FAT4: variants seen among roughly 807,000 people sequenced by gnomAD.
FAT4 encodes the protein FAT atypical cadherin 4.
FAT4 carries 84 observed loss-of-function variants against 303.9 expected under a neutral mutation model. That is an observed-to-expected ratio of 0.28 (90% confidence interval 0.23 to 0.33). The LOEUF is 0.33. FAT4 is among the 10% of genes least tolerant of loss of function. FAT4 has a pLI of 1.00. For missense variants in FAT4, 6,005 were observed against 6,146.8 expected, an observed-to-expected ratio of 0.98 and a Z score of 0.77; for synonymous variants, 2,307 against 2,298.8, an observed-to-expected ratio of 1.00 and a Z score of -0.10.
intron 6 of FAT4, among the ~76,000 whole-genome samples, chr4:125,416,118 A>T (rs1011403647): frequency 6.6e-6 from 1 of 152,206 alleles, no homozygotes; most frequent in Non-Finnish European, 1.5e-5. Context: ...ATAGTAAAAA[A>T]CTAAAATGAT....
In FAT4 at chr4:125,379,790, A is replaced by G. The variant is rs185094368; in HGVS notation, c.5176-18994A>G. Among the ~76,000 whole-genome samples the G allele has an allele frequency of 1.1e-3, 159 of 150,652 alleles. 1 individual carries two copies. The highest frequency in any genetic ancestry group is 3.6e-3 in the African/African-American group (147 of 41,258). On this transcript the variant is annotated intron_variant, in intron 2 of 17. Coordinates refer to ENST00000394329, the MANE Select transcript of FAT4 (RefSeq NM_001291303.3). ...TTGATATTTAACTCTTTCTTAATCA[A>G]ATTTTGAACTTATTTCATACCTTGT...
At position 125,415,013 on chromosome 4, in the gene FAT4, T is replaced by C. The variant is rs188126059; in HGVS notation, c.6050T>C (p.Val2017Ala). Residue 2017 changes from valine (V) to alanine (A), a missense_variant, in exon 6 of 18, where the codon GTT (valine) becomes GCT (alanine). By Grantham distance (64) the Val-to-Ala change is moderately conservative (BLOSUM62 0). Coordinates refer to ENST00000394329, the MANE Select transcript of FAT4 (RefSeq NM_001291303.3). The part of the protein sequence containing the change: ...DRESQSFYNL[V>A]VQVHDLPQIP... ...GAAAGTCAGTCCTTCTACAACTTGG[T>C]TGTTCAAGTGCATGACCTGCCACAG... The C allele has an allele frequency of 6.8e-5, 110 of 1,614,072 alleles. No individual in the cohort carries two copies. Among genetic ancestry groups the C allele is most frequent in the Admixed American group, 2.2e-4 (13 of 59,990 alleles).
chr4:125,477,991 T>G (rs1330979177), intron 14 of FAT4, among the ~76,000 whole-genome samples: 2 of 152,138 alleles, frequency 1.3e-5, no homozygotes, highest in African/African-American at 4.8e-5. Flanking sequence ...TATTGTCATG[T>G]TTTGACTGCT....
chr4:125,487,802 C>A (rs1393805428), intron 17 of FAT4, among the ~76,000 whole-genome samples, 196 bp downstream of exon 17: 5 of 152,152 alleles, frequency 3.3e-5, no homozygotes, highest in Admixed American at 3.3e-4. Flanking sequence ...AATGTCATAA[C>A]TATCTTCAGA....
chr4:125,423,265 A>T (rs1912041), intron 7 of FAT4, among the ~76,000 whole-genome samples: 21 of 152,098 alleles, frequency 1.4e-4, no homozygotes, highest in Admixed American at 6.5e-4. Flanking sequence ...CCTTCTCGAC[A>T]GCCTCTCCCA....
chr4:125,445,886 T>C (rs891027440), intron 8 of FAT4, among the ~76,000 whole-genome samples: 7 of 152,172 alleles, frequency 4.6e-5, no homozygotes, highest in African/African-American at 1.7e-4. Flanking sequence ...TGGTTTATTA[T>C]GGTATACAGC....
At chr4:125,469,810 C>T (rs1367737461) in intron 12 of FAT4, among the ~76,000 whole-genome samples, 2 of 152,086 alleles carry the variant, frequency 1.3e-5, no homozygotes, top group Non-Finnish European at 1.5e-5. Flanking sequence ...CAACTTCCTC[C>T]GAACTCCTTT....
Position 125,318,283 on chromosome 4 carries a change from G to A in FAT4, c.1872G>A (p.Glu624=). 6.2e-7 allele frequency: 1 copy of A among 1,614,186 alleles called. No homozygotes were observed. Among genetic ancestry groups the A allele is most frequent in the Non-Finnish European group, 8.5e-7 (1 of 1,180,044 alleles). Residue 624 remains glutamate (E), a synonymous_variant, in exon 2 of 18, where the codon GAG becomes GAA. Coordinates refer to ENST00000394329, the MANE Select transcript of FAT4 (RefSeq NM_001291303.3). ...DNGTVRFSLQ[E]AETDRRSFRL... is the part of the protein sequence containing the mutation. ...GAACAGTGCGCTTCTCCTTACAAGA[G>A]GCAGAGACTGACCGGAGGTCCTTCC...
chr4:125,419,635 A>G (rs1159663071), intron 7 of FAT4, among the ~76,000 whole-genome samples: 1 of 152,158 alleles, frequency 6.6e-6, no homozygotes, highest in Non-Finnish European at 1.5e-5. Context: ...ATGTCTTACC[A>G]TTGACTACAT....
At chr4:125,483,513 C>T (rs2126088809) in intron 16 of FAT4, among the ~76,000 whole-genome samples, 1 of 152,136 alleles carries the variant, frequency 6.6e-6, no homozygotes, top group South Asian at 2.1e-4. Flanking sequence ...TTTTTTTCTT[C>T]ACTAAGGAAA....
intron 2 of FAT4, among the ~76,000 whole-genome samples, chr4:125,364,124 TTCTC>T (rs35020841): frequency 8.0e-5 from 12 of 150,040 alleles, no homozygotes; most frequent in Non-Finnish European, 1.0e-4. Context: ...TTCCTATTCC[TTCTC>T]TCTCTCTCTC....
intron 2 of FAT4, among the ~76,000 whole-genome samples, chr4:125,386,108 G>A (rs140298081): frequency 8.0e-4 from 122 of 152,098 alleles, no homozygotes; most frequent in South Asian, 3.3e-3. Context: ...CTTAATTTGC[G>A]TGTGTGTGTA....
Position 125,384,212 on chromosome 4 carries a change from G to C in FAT4, c.5176-14572G>C, listed in dbSNP as rs183621265. 1.9e-4 allele frequency among the ~76,000 whole-genome samples: 29 copies of C among 152,270 alleles called. 1 individual carries two copies. The highest frequency in any genetic ancestry group is 1.6e-3 in the Admixed American group (25 of 15,294). On this transcript the variant is annotated intron_variant, in intron 2 of 17. Coordinates refer to ENST00000394329, the MANE Select transcript of FAT4 (RefSeq NM_001291303.3). ...CTATGACTGGAATTACAAGTCATGTGATAGCTATATTTAACATATTGAGGA... is the reference window on the plus strand; with the variant it reads ...CTATGACTGGAATTACAAGTCATGTCATAGCTATATTTAACATATTGAGGA...
chr4:125,356,542 G>GTTTTTTTT (rs1230221758), intron 2 of FAT4, among the ~76,000 whole-genome samples: 14 of 98,460 alleles, frequency 1.4e-4, no homozygotes, highest in African/African-American at 5.1e-4. Flanking sequence ...AGGGTGTTTT[G>GTTTTTTTT]TTTTTTGTTT....
At chr4:125,405,744 C>T (rs568560971) in intron 3 of FAT4, among the ~76,000 whole-genome samples, 23 of 152,008 alleles carry the variant, frequency 1.5e-4, no homozygotes, top group Admixed American at 4.6e-4. Flanking sequence ...CCTCATGATC[C>T]GCCCACCTTA....
At chr4:125,389,482 C>T (rs1733896324) in intron 2 of FAT4, among the ~76,000 whole-genome samples, 1 of 152,022 alleles carries the variant, frequency 6.6e-6, no homozygotes, top group Admixed American at 6.6e-5. Flanking sequence ...AAAAAATGCA[C>T]CAAATGCATA....
chr4:125,392,159 C>T (rs1479805601), intron 2 of FAT4, among the ~76,000 whole-genome samples: 2 of 152,016 alleles, frequency 1.3e-5, no homozygotes, highest in Non-Finnish European at 2.9e-5. Context: ...TCTGACAAAA[C>T]TGTTACTTGC....
Position 125,315,955 on chromosome 4 carries a change from C to G in FAT4, c.-35C>G, listed in dbSNP as rs7676965. 0.45 allele frequency among the ~76,000 whole-genome samples: 69,046 copies of G among 152,042 alleles called. 16,109 individuals carry two copies. Among genetic ancestry groups the G allele is most frequent in the African/African-American group, 0.57 (23,429 of 41,460 alleles). On this transcript the variant is annotated 5_prime_UTR_variant, in exon 1 of 18. Coordinates refer to ENST00000394329, the MANE Select transcript of FAT4 (RefSeq NM_001291303.3). ...AGTTGTGCTTGGACGTTTGTTCCTCCCTCTTCACGTTCTTCGCTGCGGGTA... is the reference window on the plus strand; with the variant it reads ...AGTTGTGCTTGGACGTTTGTTCCTCGCTCTTCACGTTCTTCGCTGCGGGTA...
In FAT4 at chr4:125,369,971, G is replaced by A. The variant is rs553885612; in HGVS notation, c.5176-28813G>A. 4.6e-5 allele frequency among the ~76,000 whole-genome samples: 7 copies of A among 151,798 alleles called. No homozygotes were observed. The South Asian group carries it at 6.2e-4, about 13-fold the overall frequency. ...AGAATTTCCTTTTTTTTTAAAGACC[G>A]AATAGTATTCCATTGTATGTATATA... On this transcript the variant is annotated intron_variant, in intron 2 of 17. Coordinates refer to ENST00000394329, the MANE Select transcript of FAT4 (RefSeq NM_001291303.3).
Sources: allele counts gnomAD v4.1 joint callset (sites outside exome capture counted in the v4.1 genomes callset), GRCh38; gene constraint gnomAD v4.1.1; transcripts MANE v1.5; gene names NCBI Gene and HGNC (gene_info 2026-07-23, HGNC 2026-07-21).